CNBD1: variants seen among roughly 807,000 people sequenced by gnomAD.
CNBD1 encodes cyclic nucleotide binding domain containing 1.
A neutral mutation model predicts 54.4 loss-of-function variants in CNBD1; 71 were observed. The ratio of observed to expected loss-of-function variants is 1.30; its 90% CI spans 1.08 to 1.59. The LOEUF (loss-of-function observed/expected upper bound fraction) is 1.59, where lower values mean the gene tolerates loss of function less well. CNBD1 is among the 40% of genes most tolerant of loss of function. CNBD1 has a pLI of 0.00. For missense variants in CNBD1, 659 were observed against 518.0 expected (o/e 1.27, Z -2.64); for synonymous variants, 182 against 170.7 (o/e 1.07, Z -0.51).
intron 8 of CNBD1, among the ~76,000 whole-genome samples, chr8:87,346,614 C>CATATAT (rs569914632): frequency 6.6e-6 from 1 of 150,818 alleles, no homozygotes; most frequent in Non-Finnish European, 1.5e-5. Context: ...AGTGTGTCTG[C>CATATAT]ATATATATAT....
At chr8:87,103,376 G>T (rs1586258477) in intron 4 of CNBD1, among the ~76,000 whole-genome samples, 1 of 152,166 alleles carries the variant, frequency 6.6e-6, no homozygotes, top group Non-Finnish European at 1.5e-5. Context: ...AGACATGTAT[G>T]CTTATTCCAT....
At chr8:87,313,758 G>T (rs1809322895) in intron 8 of CNBD1, among the ~76,000 whole-genome samples, 1 of 151,620 alleles carries the variant, frequency 6.6e-6, no homozygotes, top group African/African-American at 2.4e-5. Context: ...TAAATAGAAA[G>T]ATATAGAAAA....
intron 2 of CNBD1, among the ~76,000 whole-genome samples, chr8:87,421,570 C>T (rs994315182): frequency 2.6e-5 from 4 of 151,898 alleles, no homozygotes; most frequent in Non-Finnish European, 4.4e-5. Flanking sequence ...ATGATGATTT[C>T]CGATTTCATC....
intron 4 of CNBD1, among the ~76,000 whole-genome samples, chr8:87,140,631 A>G (rs1812352618): frequency 6.6e-6 from 1 of 152,168 alleles, no homozygotes; most frequent in Non-Finnish European, 1.5e-5. Flanking sequence ...TTGAATTTTT[A>G]TCTAGAGAAA....
chr8:87,144,185 G>T (rs140341052), intron 4 of CNBD1, among the ~76,000 whole-genome samples: 20 of 152,294 alleles, frequency 1.3e-4, no homozygotes, highest in African/African-American at 4.8e-4. Flanking sequence ...AGGGACAAAA[G>T]TGTTCTCCGG....
At chr8:87,103,074 G>T (rs1215560337) in intron 4 of CNBD1, among the ~76,000 whole-genome samples, 5 of 152,144 alleles carry the variant, frequency 3.3e-5, no homozygotes, top group African/African-American at 4.8e-5. Flanking sequence ...AGAAGATGAT[G>T]AGTTTAGTCT....
chr8:87,379,076 G>T (rs998809179), intron 10 of CNBD1, among the ~76,000 whole-genome samples: 61 of 150,960 alleles, frequency 4.0e-4, no homozygotes, highest in Admixed American at 2.7e-3. Context: ...GGGTTTTCTA[G>T]ATATACAATC....
At chr8:87,155,576 C>T (rs1174765276) in intron 4 of CNBD1, among the ~76,000 whole-genome samples, 1 of 152,150 alleles carries the variant, frequency 6.6e-6, no homozygotes, top group Admixed American at 6.5e-5. Flanking sequence ...TTGAGAGAGA[C>T]AATCTAGCAC....
intron 8 of CNBD1, among the ~76,000 whole-genome samples, chr8:87,338,349 T>C (rs1809993480): frequency 6.6e-6 from 1 of 152,214 alleles, no homozygotes; most frequent in African/African-American, 2.4e-5. Flanking sequence ...TTAATATTTC[T>C]TGCAAGGCAG....
chr8:87,417,714 T>C (rs561817863), intron 2 of CNBD1, among the ~76,000 whole-genome samples: 2 of 151,998 alleles, frequency 1.3e-5, no homozygotes, highest in South Asian at 2.1e-4. Context: ...AGTCTAAAAA[T>C]GAAATTAATA....
intron 8 of CNBD1, among the ~76,000 whole-genome samples, chr8:87,320,623 G>GA (rs1554578823): frequency 3.4e-5 from 5 of 148,010 alleles, no homozygotes; most frequent in African/African-American, 1.3e-4. Flanking sequence ...TGTGTGTGGG[G>GA]GGGCGGCTCA....
At chr8:87,413,599 TG>T (rs1250133950) in intron 2 of CNBD1, among the ~76,000 whole-genome samples, 1 of 152,072 alleles carries the variant, frequency 6.6e-6, no homozygotes, top group Non-Finnish European at 1.5e-5. Context: ...GCATCTACAG[TG>T]TACACACTTA....
intron 4 of CNBD1, among the ~76,000 whole-genome samples, chr8:86,943,464 G>A (rs181196424): frequency 1.3e-5 from 2 of 149,860 alleles, no homozygotes; most frequent in Admixed American, 6.7e-5. Context: ...GCTTAATCAT[G>A]TTAATTACAT....
chr8:87,268,274 GA>G (rs1219260360), intron 6 of CNBD1, among the ~76,000 whole-genome samples: 1 of 152,066 alleles, frequency 6.6e-6, no homozygotes, highest in Non-Finnish European at 1.5e-5. Flanking sequence ...TGCTGCAAAG[GA>G]CATGATTTTG....
intron 4 of CNBD1, among the ~76,000 whole-genome samples, chr8:87,117,735 AAAG>A (rs1404897656): frequency 6.6e-6 from 1 of 152,028 alleles, no homozygotes; most frequent in Non-Finnish European, 1.5e-5. Context: ...CAGCTAGCTA[AAAG>A]AATACAGCCT....
At chr8:87,356,520 G>C (rs776810933) in intron 10 of CNBD1, among the ~76,000 whole-genome samples, 2 of 152,180 alleles carry the variant, frequency 1.3e-5, no homozygotes, top group Non-Finnish European at 2.9e-5. Flanking sequence ...CTTAAGAGTG[G>C]TGACCTAGGG....
chr8:87,237,042 G>C lies in CNBD1; in HGVS notation c.701G>C (p.Ser234Thr), dbSNP rs1413520332. The C allele has an allele frequency of 3.7e-6, 6 of 1,611,868 alleles. No homozygotes were observed. The highest frequency in any genetic ancestry group is 5.1e-6 in the Non-Finnish European group (6 of 1,178,516). ...TCGTTCATATCTCAGAGTTTCCACA[G>C]CTTCATTTGGAGTGAAGAATTCAAA... is the stretch of plus-strand genomic sequence containing the variant. ...PDSFISQSFH[S>T]FIWSEEFKNS... The change falls in exon 6 of 11, where the codon AGC (serine) becomes ACC (threonine). Residue 234 changes from serine to threonine, a missense_variant. Physicochemically the swap from Ser to Thr is moderately conservative, Grantham distance 58. Coordinates refer to ENST00000518476, the MANE Select transcript of CNBD1 (RefSeq NM_173538.3).
At chr8:87,264,277 C>A (rs1808203846) in intron 6 of CNBD1, among the ~76,000 whole-genome samples, 1 of 152,048 alleles carries the variant, frequency 6.6e-6, no homozygotes, top group Admixed American at 6.6e-5. Flanking sequence ...CGATAGTTTG[C>A]TGAGAACGAT....
At chr8:87,247,036 C>T (rs952652546) in intron 6 of CNBD1, among the ~76,000 whole-genome samples, 1 of 152,022 alleles carries the variant, frequency 6.6e-6, no homozygotes, top group Non-Finnish European at 1.5e-5. Context: ...TGGTTACTGT[C>T]ACTACAGAAA....
Sources: gnomAD v4.1 joint callset for allele counts (sites outside exome capture counted in the v4.1 genomes callset) on GRCh38, gnomAD v4.1.1 for gene constraint, MANE v1.5 for transcripts, NCBI Gene and HGNC (gene_info 2026-07-23, HGNC 2026-07-21) for gene names.